The following ZC3H6 variants were observed in gnomAD, a reference collection of about 807,000 sequenced individuals.
The protein encoded by ZC3H6 is zinc finger CCCH-type containing 6.
ZC3H6 carries 40 observed loss-of-function variants against 107.7 expected under a neutral mutation model. That is an observed-to-expected ratio of 0.37 (90% CI 0.29 to 0.48). ZC3H6 has a LOEUF of 0.48. Among genes scored for constraint, ZC3H6 ranks in the 20% least tolerant of loss-of-function variants. ZC3H6 has a pLI of 0.98. For missense variants in ZC3H6, 1,267 were observed against 1,410.4 expected, an observed-to-expected ratio of 0.90 and a Z score of 1.63; for synonymous variants, 493 against 487.9, an observed-to-expected ratio of 1.01 and a Z score of -0.14.
At chr2:112,318,284 G>T (rs965647634) in intron 7 of ZC3H6, among the ~76,000 whole-genome samples, 7 of 152,116 alleles carry the variant, frequency 4.6e-5, no homozygotes, top group African/African-American at 1.7e-4. Flanking sequence ...GAAGCAAAAA[G>T]GGAACAGATT....
chr2:112,290,446 G>C (rs1181161178), intron 1 of ZC3H6, among the ~76,000 whole-genome samples: 2 of 152,236 alleles, frequency 1.3e-5, no homozygotes, highest in Non-Finnish European at 2.9e-5. Context: ...TTCCCCTGTT[G>C]TGTGTGCTCA....
intron 11 of ZC3H6, among the ~76,000 whole-genome samples, chr2:112,326,722 C>A (rs560450647): frequency 6.6e-6 from 1 of 152,296 alleles, no homozygotes; most frequent in South Asian, 2.1e-4. Flanking sequence ...AAGCAATTCT[C>A]GTGCCTCTGC....
intron 7 of ZC3H6, among the ~76,000 whole-genome samples, chr2:112,320,709 G>C (rs528864535): frequency 6.6e-6 from 1 of 151,706 alleles, no homozygotes; most frequent in African/African-American, 2.4e-5. Flanking sequence ...ATTCTTATGG[G>C]GTTTTTGTTA....
rs757148151 is a variant in ZC3H6, at chr2:112,331,039, G to A, written c.2121G>A (p.Glu707=). 1.7e-5 allele frequency: 26 copies of A among 1,554,792 alleles called. No individual in the cohort carries two copies. The highest frequency in any genetic ancestry group is 8.2e-5 in the Admixed American group (4 of 48,798). ...TTAACTGGTATTCCAGTAGTGAAGA[G>A]GAAGAAGGAAGCAGTGTCAAATCAA... is the stretch of plus-strand genomic sequence containing the variant. The part of the protein sequence containing the change: ...DTVNWYSSSE[E]EEGSSVKSIL... Residue 707 remains glutamate (E), a synonymous_variant, in exon 12 of 12, where the codon GAG becomes GAA. Transcript: ENST00000409871.
chr2:112,286,943 C>T (rs932101151), intron 1 of ZC3H6, among the ~76,000 whole-genome samples: 130 of 152,132 alleles, frequency 8.5e-4, no homozygotes, highest in Non-Finnish European at 1.2e-3. Context: ...CTTGCAGTAC[C>T]TTACAATTAC....
intron 1 of ZC3H6, among the ~76,000 whole-genome samples, chr2:112,284,040 G>C (rs1686567926): frequency 6.6e-6 from 1 of 152,270 alleles, no homozygotes; most frequent in Admixed American, 6.5e-5. Flanking sequence ...GTTTCAGCCT[G>C]TGAAGGGAAT....
At position 112,336,188 on chromosome 2, in the gene ZC3H6, A is replaced by G. The variant is rs1017427737; in HGVS notation, c.*3700A>G. The G allele has an allele frequency of 1.3e-5, 2 of 152,296 alleles. No homozygotes were observed. Among genetic ancestry groups the G allele is most frequent in the Non-Finnish European group, 2.9e-5 (2 of 68,016 alleles). 9.4% of individuals were successfully genotyped at this position (152,296 alleles called of 1,614,324 possible). On this transcript the variant is annotated 3_prime_UTR_variant, in exon 12 of 12. Coordinates refer to ENST00000409871, the MANE Select transcript of ZC3H6 (RefSeq NM_198581.3). The stretch of plus-strand genomic sequence containing the variant: ...TTAGGAAGCTCCTAGGGACCAGGAT[A>G]TGAGATCTTAAAGAGGCTGTCAGAA...
At chr2:112,302,871 C>T (rs1009162778) in intron 2 of ZC3H6, among the ~76,000 whole-genome samples, 2 of 151,874 alleles carry the variant, frequency 1.3e-5, no homozygotes, top group African/African-American at 4.8e-5. Context: ...ACATACTCTA[C>T]TCATGTTCTA....
At chr2:112,278,861 T>G (rs1573942531) in intron 1 of ZC3H6, among the ~76,000 whole-genome samples, 1 of 152,180 alleles carries the variant, frequency 6.6e-6, no homozygotes, top group Admixed American at 6.5e-5. Context: ...GCTCCAGCCA[T>G]CCTCCCATTT....
chr2:112,322,691 G>C lies in ZC3H6; in HGVS notation c.1129G>C (p.Glu377Gln). Residue 377 changes from glutamate to glutamine, a missense_variant, in exon 9 of 12, where the codon GAA becomes CAA. Coordinates refer to ENST00000409871, the MANE Select transcript of ZC3H6 (RefSeq NM_198581.3). ...DEELINEDER[E>Q]LEELRKRGIT... Reference sequence around the variant, plus strand: ...AGAACTCATAAATGAAGATGAAAGAGAATTAGAGGAACTTAGAAAGCGTGG... The same window carrying C: ...AGAACTCATAAATGAAGATGAAAGACAATTAGAGGAACTTAGAAAGCGTGG... 6.2e-7 allele frequency: 1 copy of C among 1,612,098 alleles called. No individual in the cohort carries two copies. The highest frequency in any genetic ancestry group is 8.5e-7 in the Non-Finnish European group (1 of 1,179,436).
At chr2:112,288,969 G>C (rs1013942493) in intron 1 of ZC3H6, among the ~76,000 whole-genome samples, 2 of 151,280 alleles carry the variant, frequency 1.3e-5, no homozygotes, top group South Asian at 2.1e-4. Flanking sequence ...TTCATTCTTT[G>C]AGCGTTCCTC....
At chr2:112,300,990 A>G (rs1307846587) in intron 2 of ZC3H6, among the ~76,000 whole-genome samples, 2 of 152,262 alleles carry the variant, frequency 1.3e-5, no homozygotes, top group Non-Finnish European at 2.9e-5. Flanking sequence ...GTTATCTCTA[A>G]TAAACCTAAA....
intron 1 of ZC3H6, among the ~76,000 whole-genome samples, chr2:112,283,422 TA>T (rs1289677551): frequency 6.8e-6 from 1 of 147,244 alleles, no homozygotes; most frequent in Non-Finnish European, 1.5e-5. Flanking sequence ...GGCAAATAAA[TA>T]AATAATCAAG....
intron 9 of ZC3H6, 32 bp from the exon 10 acceptor site, chr2:112,324,120 G>T: frequency 6.6e-7 from 1 of 1,519,642 alleles, no homozygotes; most frequent in East Asian, 2.3e-5. Flanking sequence ...CTTTTTCTTT[G>T]AACTAAGAAA....
intron 1 of ZC3H6, among the ~76,000 whole-genome samples, chr2:112,295,598 G>A (rs770753471): frequency 7.2e-5 from 11 of 152,134 alleles, no homozygotes; most frequent in Non-Finnish European, 1.0e-4. Flanking sequence ...TTCCACATGC[G>A]TCCAAAGCTG....
Position 112,332,567 on chromosome 2 carries a change from T to A in ZC3H6, c.*79T>A. 1 of 1,374,926 alleles carries A rather than the reference T, an allele frequency of 7.3e-7. No homozygotes were observed. The highest frequency in any genetic ancestry group is 9.8e-7 in the Non-Finnish European group (1 of 1,020,896). The allele number at this position is 1,374,926 out of a possible 1,614,324, so 85.2% of individuals were successfully genotyped here. A position where few individuals can be genotyped will look rare whatever the true frequency, so the allele number is the denominator to read the frequency against. ...CTGTTTTGTAACTGGTTTACCTCTATAGTTTATTTATTTTTAAATTATAAA... is the reference window on the plus strand; with the variant it reads ...CTGTTTTGTAACTGGTTTACCTCTAAAGTTTATTTATTTTTAAATTATAAA... On this transcript the variant is annotated 3_prime_UTR_variant, in exon 12 of 12. Coordinates refer to ENST00000409871, the MANE Select transcript of ZC3H6 (RefSeq NM_198581.3).
At chr2:112,322,110 G>GTCTTCCCT in intron 8 of ZC3H6, among the ~76,000 whole-genome samples, 1 of 125,864 alleles carries the variant, frequency 7.9e-6, no homozygotes, top group Admixed American at 8.4e-5. Flanking sequence ...CCTCCTTCCC[G>GTCTTCCCT]TCTTCCCTCC....
chr2:112,299,493 A>G (rs915560266), intron 1 of ZC3H6, among the ~76,000 whole-genome samples: 6 of 151,962 alleles, frequency 3.9e-5, no homozygotes, highest in African/African-American at 1.4e-4. Flanking sequence ...CCTTTTTTTG[A>G]AGAAAATTTA....
intron 1 of ZC3H6, among the ~76,000 whole-genome samples, chr2:112,287,916 GA>G (rs1686640072): frequency 6.6e-6 from 1 of 152,088 alleles, no homozygotes; most frequent in African/African-American, 2.4e-5. Flanking sequence ...GAAACATTTT[GA>G]AGGAACTCTT....
Sources: allele counts gnomAD v4.1 joint callset (sites outside exome capture counted in the v4.1 genomes callset), GRCh38; gene constraint gnomAD v4.1.1; transcripts MANE v1.5; gene names NCBI Gene and HGNC (gene_info 2026-07-23, HGNC 2026-07-21).